FAM170A: variants seen among roughly 807,000 people sequenced by gnomAD.
FAM170A encodes protein FAM170A.
In FAM170A, 28 loss-of-function variants were observed where a neutral mutation model predicts 36.6. The ratio of observed to expected loss-of-function variants is 0.76; its 90% CI spans 0.57 to 1.05. FAM170A has a LOEUF of 1.05. Among genes scored for constraint, FAM170A ranks in the 50% least tolerant of loss-of-function variants. The pLI is 0.00. For missense variants in FAM170A, 434 were observed against 396.5 expected (o/e 1.09, Z -0.80); for synonymous variants, 156 against 143.9 (o/e 1.08, Z -0.60).
exon 2 of FAM170A, chr5:119,632,753 T>C: frequency 6.3e-7 from 1 of 1,591,582 alleles, no homozygotes; most frequent in Non-Finnish European, 8.6e-7. Context: ...CTCAGGAATG[T>C]CAAAGTCCCA....
Position 119,634,019 on chromosome 5 carries a change from G to GA in FAM170A, c.273dup (p.Arg92ThrfsTer20). Reference sequence around the variant, plus strand: ...TCAATCACCCCTGGCCCAGGTTCAGGAACGAGGAGAGACTCCTCCCCGCTC... The same window carrying GA: ...TCAATCACCCCTGGCCCAGGTTCAGGAAACGAGGAGAGACTCCTCCCCGCTC... On this transcript the variant is annotated frameshift_variant, in exon 3 of 5. Transcript: ENST00000613773. LOFTEE classifies it high-confidence loss of function. The GA allele has an allele frequency of 6.2e-7, 1 of 1,614,106 alleles. No individual in the cohort carries two copies. Among genetic ancestry groups the GA allele is most frequent in the Non-Finnish European group, 8.5e-7 (1 of 1,180,012 alleles).
intron 1 of FAM170A, among the ~76,000 whole-genome samples, chr5:119,630,334 T>TGG (rs1376154410): frequency 7.0e-6 from 1 of 143,474 alleles, no homozygotes; most frequent in African/African-American, 2.6e-5. Context: ...TTTTTTTTTT[T>TGG]TTTTTTTTTT....
intron 1 of FAM170A, among the ~76,000 whole-genome samples, chr5:119,631,826 C>G (rs1300947138): frequency 6.6e-6 from 1 of 152,098 alleles, no homozygotes; most frequent in Non-Finnish European, 1.5e-5. Context: ...ATCATACATG[C>G]CATATCTGCA....
intron 4 of FAM170A, 62 bp downstream of exon 4, chr5:119,635,148 G>A: frequency 1.6e-6 from 2 of 1,250,684 alleles, no homozygotes; most frequent in East Asian, 4.7e-5. Context: ...GAATCCAAGG[G>A]AAGGAGCTGC....
intron 1 of FAM170A, 107 bp from the exon 2 acceptor site, chr5:119,632,641 A>T: frequency 9.4e-7 from 1 of 1,065,386 alleles, no homozygotes; most frequent in Non-Finnish European, 1.3e-6. Flanking sequence ...ATGTGTGTTC[A>T]CTACACCTGA....
exon 3 of FAM170A, chr5:119,634,117 A>C: frequency 6.2e-7 from 1 of 1,614,084 alleles, no homozygotes; most frequent in Non-Finnish European, 8.5e-7. Flanking sequence ...ACAAAGAGGA[A>C]AGGGGCATGA....
chr5:119,635,106 G>T lies in FAM170A; in HGVS notation c.*52+20G>T, dbSNP rs1313277694. 6.4e-7 allele frequency: 1 copy of T among 1,551,476 alleles called. No individual in the cohort carries two copies. Among genetic ancestry groups the T allele is most frequent in the East Asian group, 2.2e-5 (1 of 44,634 alleles). Reference sequence around the variant, plus strand: ...CAAGAGGTAAGGAGTGAGACTTGCAGTTTTCTGAGGCTGTGTTGTGAGGGC... The same window carrying T: ...CAAGAGGTAAGGAGTGAGACTTGCATTTTTCTGAGGCTGTGTTGTGAGGGC... On this transcript the variant is annotated intron_variant, in intron 4 of 4. Coordinates refer to ENST00000613773, the Ensembl canonical transcript of FAM170A.
At chr5:119,635,308 A>G (rs1756357864) in intron 4 of FAM170A, among the ~76,000 whole-genome samples, 1 of 152,210 alleles carries the variant, frequency 6.6e-6, no homozygotes, top group African/African-American at 2.4e-5. Flanking sequence ...ATTGTCCTCA[A>G]TTCTAAGAGG....
intron 3 of FAM170A, 90 bp from the exon 4 acceptor site, chr5:119,634,938 T>C: frequency 6.5e-7 from 1 of 1,542,694 alleles, no homozygotes; most frequent in Non-Finnish European, 8.9e-7. Flanking sequence ...AGGATTTGTC[T>C]TGACCTTTCC....
exon 3 of FAM170A, chr5:119,634,685 T>A (rs753987625): frequency 1.3e-6 from 2 of 1,564,270 alleles, no homozygotes; most frequent in Non-Finnish European, 1.7e-6. Flanking sequence ...CCTGAGGAGA[T>A]CCTGGAGCCA....
At chr5:119,633,873 C>T in intron 2 of FAM170A, 87 bp from the exon 3 acceptor site, 1 of 1,508,330 alleles carries the variant, frequency 6.6e-7, no homozygotes, top group Non-Finnish European at 8.9e-7. Flanking sequence ...CAGTCCCTGT[C>T]TCCTGCACCA....
chr5:119,629,623 G>A (rs969209916), exon 1 of FAM170A: 42 of 624,806 alleles, frequency 6.7e-5, no homozygotes, highest in Admixed American at 2.4e-4. Flanking sequence ...AGCGGTCTGA[G>A]TTCTTTAGCT....
intron 2 of FAM170A, among the ~76,000 whole-genome samples, chr5:119,633,346 A>C (rs1471908350): frequency 3.9e-5 from 6 of 152,148 alleles, no homozygotes; most frequent in African/African-American, 1.4e-4. Flanking sequence ...AGCTCAGTGT[A>C]GGAGAGCATG....
intron 1 of FAM170A, among the ~76,000 whole-genome samples, chr5:119,630,968 G>A (rs1756237569): frequency 3.9e-5 from 6 of 152,210 alleles, no homozygotes; most frequent in Admixed American, 3.9e-4. Flanking sequence ...TGAAACCACG[G>A]AGGTTTGATT....
chr5:119,633,908 A>G, intron 2 of FAM170A, 52 bp from the exon 3 acceptor site: 1 of 1,561,380 alleles, frequency 6.4e-7, no homozygotes, highest in Non-Finnish European at 8.7e-7. Flanking sequence ...ACGTTCCCTC[A>G]GCTCCTAGCA....
Position 119,629,858 on chromosome 5 carries a change from T to A in FAM170A, c.70+20T>A. 2 of 1,599,122 alleles carry A rather than the reference T, an allele frequency of 1.3e-6. No individual in the cohort carries two copies. Among genetic ancestry groups the A allele is most frequent in the Non-Finnish European group, 1.7e-6 (2 of 1,167,136 alleles). On this transcript the variant is annotated intron_variant, in intron 1 of 4. Coordinates refer to ENST00000613773, the Ensembl canonical transcript of FAM170A. ...GAGGAGGTATGTGCGGGGCAAACTT[T>A]CTGGGGCACAAGCGTCACTGGCCAG...
chr5:119,632,870 C>T (rs201159156), exon 2 of FAM170A: 747 of 1,609,184 alleles, frequency 4.6e-4, no homozygotes, highest in Non-Finnish European at 6.1e-4. Context: ...TTCTTCTTCA[C>T]GCAAGCTCAT....
chr5:119,632,200 C>A, intron 1 of FAM170A, among the ~76,000 whole-genome samples: 1 of 152,188 alleles, frequency 6.6e-6, no homozygotes, highest in South Asian at 2.1e-4. Context: ...TGCTTAATGT[C>A]TGTCTTCCTT....
intron 1 of FAM170A, 54 bp from the exon 2 acceptor site, chr5:119,632,694 A>G: frequency 6.9e-7 from 1 of 1,450,310 alleles, no homozygotes; most frequent in Non-Finnish European, 9.3e-7. Context: ...ATGGTAAATG[A>G]TGCACAAACA....
Sources: gnomAD v4.1 joint callset for allele counts (sites outside exome capture counted in the v4.1 genomes callset) on GRCh38, gnomAD v4.1.1 for gene constraint, MANE v1.5 for transcripts, NCBI Gene and HGNC (gene_info 2026-07-23, HGNC 2026-07-21) for gene names.